TXNDC8: variants seen among roughly 807,000 people sequenced by gnomAD.
TXNDC8 encodes thioredoxin domain containing 8.
Under a neutral mutation model 12.9 loss-of-function variants are expected in TXNDC8, and 15 were observed. The ratio of observed to expected loss-of-function variants is 1.16; its 90% CI spans 0.78 to 1.79. The LOEUF is 1.79. TXNDC8 is among the 40% of genes most tolerant of loss of function. TXNDC8 has a pLI of 0.00. For missense variants in TXNDC8, 128 were observed against 113.2 expected, an observed-to-expected ratio of 1.13 and a Z score of -0.59; for synonymous variants, 40 against 35.4, an observed-to-expected ratio of 1.13 and a Z score of -0.46.
chr9:110,305,395 T>C (rs1042657971), intron 3 of TXNDC8, among the ~76,000 whole-genome samples: 3 of 152,262 alleles, frequency 2.0e-5, no homozygotes, highest in South Asian at 4.1e-4. Context: ...CAAATAGTGC[T>C]ACTGTGGATG....
chr9:110,329,116 T>C lies in TXNDC8; in HGVS notation c.130-2876A>G, dbSNP rs532261401. On this transcript the variant is annotated intron_variant, in intron 2 of 4. Transcript: ENST00000423740. ...AGTTTACTGTAGTTATTAGAAAAAATGTAAAATTCTAGTTGATTTTAAATT... is the reference window on the plus strand; with the variant it reads ...AGTTTACTGTAGTTATTAGAAAAAACGTAAAATTCTAGTTGATTTTAAATT... 913 of 867,494 alleles carry C rather than the reference T, an allele frequency of 1.1e-3. 1 individual carries two copies. The highest frequency in any genetic ancestry group is 1.5e-3 in the Non-Finnish European group (846 of 551,514). 53.7% of individuals were successfully genotyped at this position (867,494 alleles called of 1,614,324 possible). A position where few individuals can be genotyped will look rare whatever the true frequency, so the allele number is the denominator to read the frequency against.
At chr9:110,330,477 A>G (rs1839506822) in intron 2 of TXNDC8, among the ~76,000 whole-genome samples, 1 of 152,166 alleles carries the variant, frequency 6.6e-6, no homozygotes, top group Non-Finnish European at 1.5e-5. Context: ...TTTGAGGCTC[A>G]TTTTTTGCCA....
At chr9:110,310,077 C>T (rs188735761) in intron 3 of TXNDC8, among the ~76,000 whole-genome samples, 59 of 152,260 alleles carry the variant, frequency 3.9e-4, no homozygotes, top group Middle Eastern at 3.4e-3. Context: ...GGCACCTCTA[C>T]TTGCCAGAGT....
At chr9:110,330,903 T>G (rs1374735066) in intron 2 of TXNDC8, among the ~76,000 whole-genome samples, 1 of 150,030 alleles carries the variant, frequency 6.7e-6, no homozygotes, top group African/African-American at 2.4e-5. Flanking sequence ...TGATTCACTG[T>G]TTTTTTTTTC....
intron 3 of TXNDC8, chr9:110,323,112 G>T (rs1209430272): frequency 1.0e-6 from 1 of 985,272 alleles, no homozygotes; most frequent in South Asian, 4.7e-5. Flanking sequence ...CATACAGGGA[G>T]CTGTGCACAA....
intron 3 of TXNDC8, among the ~76,000 whole-genome samples, chr9:110,313,245 C>CT (rs1375751805): frequency 6.6e-6 from 1 of 152,014 alleles, no homozygotes; most frequent in Non-Finnish European, 1.5e-5. Flanking sequence ...TTTTTCTTAT[C>CT]TTTTCCCCCA....
chr9:110,325,409 A>C (rs1839269469), intron 3 of TXNDC8, among the ~76,000 whole-genome samples: 1 of 152,142 alleles, frequency 6.6e-6, no homozygotes, highest in Non-Finnish European at 1.5e-5. Context: ...TATGTGAATC[A>C]TGGGAACCTG....
intron 3 of TXNDC8, chr9:110,323,979 G>T: frequency 1.3e-6 from 2 of 1,550,656 alleles, no homozygotes; most frequent in Non-Finnish European, 1.7e-6. Flanking sequence ...TTCACTGGTT[G>T]GTGTAGGCCT....
intron 3 of TXNDC8, 122 bp downstream of exon 4, chr9:110,326,053 A>T: frequency 1.1e-6 from 1 of 933,200 alleles, no homozygotes; most frequent in South Asian, 1.6e-5. Context: ...GTAGAGAATT[A>T]TATTGGTAAG....
chr9:110,309,227 C>A (rs1838570647), intron 3 of TXNDC8, among the ~76,000 whole-genome samples: 2 of 152,204 alleles, frequency 1.3e-5, no homozygotes, highest in South Asian at 4.1e-4. Flanking sequence ...CTCCTTCCAG[C>A]TGAAAGTTGC....
At chr9:110,335,294 C>T (rs980102) in intron 1 of TXNDC8, among the ~76,000 whole-genome samples, 10,265 of 151,946 alleles carry the variant, frequency 0.068, 432 homozygotes, top group Admixed American at 0.12. Flanking sequence ...TGGGGTGTAG[C>T]GGTGCGATCT....
intron 2 of TXNDC8, among the ~76,000 whole-genome samples, chr9:110,333,971 A>G (rs1839644813): frequency 6.6e-6 from 1 of 152,138 alleles, no homozygotes; most frequent in East Asian, 1.9e-4. Flanking sequence ...GTACAATTGG[A>G]CTCCTTTGCA....
chr9:110,303,776 A>T, intron 4 of TXNDC8, 193 bp from the exon 6 acceptor site: 1 of 1,413,162 alleles, frequency 7.1e-7, no homozygotes, highest in Non-Finnish European at 9.6e-7. Context: ...TCCTTTCAAA[A>T]TTACTTTTGC....
At chr9:110,319,164 C>T (rs1359761216) in intron 3 of TXNDC8, among the ~76,000 whole-genome samples, 1 of 152,132 alleles carries the variant, frequency 6.6e-6, no homozygotes, top group Non-Finnish European at 1.5e-5. Flanking sequence ...CCTTTAGAGT[C>T]CTGCACGTAA....
At chr9:110,329,410 C>G in intron 2 of TXNDC8, 119 bp from the exon 3 acceptor site, 2 of 727,670 alleles carry the variant, frequency 2.7e-6, no homozygotes. Context: ...GAGGACTAAG[C>G]ATCATTCTGA....
chr9:110,322,855 A>G, intron 3 of TXNDC8: 3 of 985,370 alleles, frequency 3.0e-6, no homozygotes, highest in Non-Finnish European at 3.6e-6. Flanking sequence ...CACACACATC[A>G]TGAGTATTTT....
In TXNDC8 at chr9:110,324,528, C is replaced by CT. The variant is rs140119063; in HGVS notation, c.195+1646dup. Among the ~76,000 whole-genome samples the CT allele has an allele frequency of 9.9e-5, 15 of 151,580 alleles. No homozygotes were observed. In the South Asian group the frequency reaches 1.7e-3, roughly 17 times the overall value. On this transcript the variant is annotated intron_variant, in intron 3 of 4. Coordinates refer to ENST00000423740, the MANE Select transcript of TXNDC8 (RefSeq NM_001286946.2). ...TTTTGCTTTAAATTATTCTTTATAA[C>CT]TTTTTTTTTGCTTGCATCCTATTTC...
intron 3 of TXNDC8, among the ~76,000 whole-genome samples, chr9:110,325,758 A>T (rs1839290467): frequency 1.3e-5 from 2 of 152,140 alleles, no homozygotes; most frequent in Admixed American, 6.5e-5. Context: ...TGACCTTGTG[A>T]TCTGCCCGCC....
chr9:110,304,320 G>A, intron 4 of TXNDC8, 147 bp downstream of exon 5: 1 of 642,088 alleles, frequency 1.6e-6, no homozygotes, highest in Admixed American at 3.1e-5. Context: ...TAACTTTACT[G>A]CCCGGTGTGC....
Sources: allele counts gnomAD v4.1 joint callset (sites outside exome capture counted in the v4.1 genomes callset), GRCh38; gene constraint gnomAD v4.1.1; transcripts MANE v1.5; gene names NCBI Gene and HGNC (gene_info 2026-07-23, HGNC 2026-07-21).